TSC22D1: variants seen among roughly 807,000 people sequenced by gnomAD.
TSC22D1 encodes the protein TSC22 domain family protein 1.
A neutral mutation model predicts 74.2 loss-of-function variants in TSC22D1; 9 were observed. That is an observed-to-expected ratio of 0.12 (90% CI 0.07 to 0.21). The LOEUF (loss-of-function observed/expected upper bound fraction) is 0.21. TSC22D1 is among the 10% of genes least tolerant of loss of function. TSC22D1 has a pLI of 1.00. For synonymous variants in TSC22D1, 586 were observed against 492.5 expected (o/e 1.19, Z -2.51); for missense variants, 1,427 against 1,304.7 (o/e 1.09, Z -1.44).
chr13:44,530,740 T>A (rs1880790243), intron 1 of TSC22D1, among the ~76,000 whole-genome samples: 1 of 151,634 alleles, frequency 6.6e-6, no homozygotes, highest in African/African-American at 2.4e-5. Flanking sequence ...GTGGAAAGTG[T>A]ATGAGAAGAT....
At chr13:44,464,287 T>C (rs1877148834) in intron 1 of TSC22D1, among the ~76,000 whole-genome samples, 1 of 152,236 alleles carries the variant, frequency 6.6e-6, no homozygotes, top group Middle Eastern at 3.2e-3. Flanking sequence ...TTCTTTAAGG[T>C]TATGTCACTT....
Position 44,433,816 on chromosome 13 carries a change from C to A in TSC22D1, c.*810G>T. ...TAACTGTGCCAAATTCTTAAAATTTCTTTAGGTGTGGTTTTTGTCATGTAG... is the reference window on the plus strand; with the variant it reads ...TAACTGTGCCAAATTCTTAAAATTTATTTAGGTGTGGTTTTTGTCATGTAG... On this transcript the variant is annotated 3_prime_UTR_variant, in exon 3 of 3. Transcript: ENST00000458659. 3.3e-6 allele frequency: 2 copies of A among 599,238 alleles called. No individual in the cohort carries two copies. The highest frequency in any genetic ancestry group is 5.4e-6 in the Non-Finnish European group (2 of 372,108). The allele number at this position is 599,238 out of a possible 1,614,324, so 37.1% of individuals were successfully genotyped here.
intron 1 of TSC22D1, 84 bp downstream of exon 1, chr13:44,573,077 TAG>T (rs749350285): frequency 1.3e-5 from 20 of 1,492,064 alleles, no homozygotes; most frequent in Non-Finnish European, 1.7e-5. Context: ...TACAATGTTT[TAG>T]AGTCATTTTG....
Position 44,476,323 on chromosome 13 carries a change from T to C in TSC22D1, c.2913-40228A>G, listed in dbSNP as rs529692681. ...ATTTAAATATAAAAATACATTATGTTTATTATAAAACAGAATCATTAATAC... is the reference window on the plus strand; with the variant it reads ...ATTTAAATATAAAAATACATTATGTCTATTATAAAACAGAATCATTAATAC... On this transcript the variant is annotated intron_variant, in intron 1 of 2. Transcript: ENST00000458659. Among the ~76,000 whole-genome samples the C allele has an allele frequency of 3.9e-5, 6 of 152,218 alleles. No individual in the cohort carries two copies. The East Asian group carries it at 1.2e-3, about 29-fold the overall frequency.
rs757127052 is a variant in TSC22D1, at chr13:44,573,190, G to A, written c.2885C>T (p.Thr962Ile). The A allele has an allele frequency of 2.5e-6, 4 of 1,614,028 alleles. No individual in the cohort carries two copies. The highest frequency in any genetic ancestry group is 2.7e-5 in the African/African-American group (2 of 74,924). ...LFPLKVLPLT[T>I]PLVDGEDESS... ...CTCATCCTCGCCATCCACCAGGGGT[G>A]TCGTCAGCGGTAGCACCTTCAACGG... Residue 962 changes from threonine (T) to isoleucine (I), a missense_variant, in exon 1 of 3, where the codon ACA (threonine) becomes ATA (isoleucine). Transcript: ENST00000458659.
intron 1 of TSC22D1, among the ~76,000 whole-genome samples, chr13:44,535,529 AAAT>A (rs1220299620): frequency 2.0e-5 from 3 of 152,060 alleles, no homozygotes; most frequent in Admixed American, 6.5e-5. Flanking sequence ...ATGGCAAAGA[AAAT>A]AAGATCTGTG....
intron 1 of TSC22D1, among the ~76,000 whole-genome samples, chr13:44,542,272 C>T (rs1167612949): frequency 2.6e-5 from 4 of 151,930 alleles, no homozygotes; most frequent in Non-Finnish European, 2.9e-5. Flanking sequence ...ATAGGAAATA[C>T]ACCTCGTAAT....
At chr13:44,462,364 A>G (rs1238681142) in intron 1 of TSC22D1, among the ~76,000 whole-genome samples, 2 of 152,240 alleles carry the variant, frequency 1.3e-5, no homozygotes, top group Non-Finnish European at 2.9e-5. Flanking sequence ...TAAACTCTAC[A>G]TCACAATGGC....
In TSC22D1 at chr13:44,574,286, T is replaced by C. The variant is rs759040921; in HGVS notation, c.1789A>G (p.Ile597Val). 3 of 1,614,066 alleles carry C rather than the reference T, an allele frequency of 1.9e-6. No individual in the cohort carries two copies. Among genetic ancestry groups the C allele is most frequent in the African/African-American group, 1.3e-5 (1 of 74,922 alleles). The change falls in exon 1 of 3, where the codon ATT (isoleucine) becomes GTT (valine). Residue 597 changes from isoleucine (I) to valine (V), a missense_variant. Physicochemically the swap from Ile to Val is conservative, Grantham distance 29. Coordinates refer to ENST00000458659, the MANE Select transcript of TSC22D1 (RefSeq NM_183422.4). Reference protein sequence around the residue: ...VTSALGQQPSISSLAQPQLPY... With the variant: ...VTSALGQQPSVSSLAQPQLPY... Reference sequence around the variant, plus strand: ...AGCTGGGGTTGAGCCAAACTGGAAATGGAAGGCTGCTGACCTAAAGCTGAA... The same window carrying C: ...AGCTGGGGTTGAGCCAAACTGGAAACGGAAGGCTGCTGACCTAAAGCTGAA...
chr13:44,484,071 A>G (rs1051311243), intron 1 of TSC22D1, among the ~76,000 whole-genome samples: 1 of 152,210 alleles, frequency 6.6e-6, no homozygotes, highest in Non-Finnish European at 1.5e-5. Context: ...TTTTAAAAGC[A>G]TTACTTAAAC....
At chr13:44,513,594 C>T (rs1323655353) in intron 1 of TSC22D1, among the ~76,000 whole-genome samples, 1 of 152,124 alleles carries the variant, frequency 6.6e-6, no homozygotes, top group Non-Finnish European at 1.5e-5. Flanking sequence ...ATAGAAAACA[C>T]TCCAGAAATA....
intron 1 of TSC22D1, among the ~76,000 whole-genome samples, chr13:44,547,048 C>T (rs1881873826): frequency 6.6e-6 from 1 of 152,008 alleles, no homozygotes; most frequent in Non-Finnish European, 1.5e-5. Flanking sequence ...AGGCATGAGC[C>T]ACCACACCAA....
At chr13:44,533,822 A>G (rs1165599597) in intron 1 of TSC22D1, among the ~76,000 whole-genome samples, 2 of 152,206 alleles carry the variant, frequency 1.3e-5, no homozygotes, top group East Asian at 3.9e-4. Context: ...AGTATCCTGA[A>G]TGTACATGGA....
At chr13:44,443,703 T>C (rs971306017) in intron 1 of TSC22D1, among the ~76,000 whole-genome samples, 8 of 152,170 alleles carry the variant, frequency 5.3e-5, no homozygotes, top group Non-Finnish European at 8.8e-5. Context: ...TCATTGACTG[T>C]TTAAAGCAAA....
rs556137435 is a variant in TSC22D1, at chr13:44,451,749, T to C, written c.2913-15654A>G. ...ATGAAGCCACACGCTGAGGATCAAC[T>C]GTGAGATGAGGCCATATCATGTCAG... On this transcript the variant is annotated intron_variant, in intron 1 of 2. Transcript: ENST00000458659. Among the ~76,000 whole-genome samples, 52 of 152,344 alleles carry C rather than the reference T, an allele frequency of 3.4e-4. 2 individuals carry two copies. In the South Asian group the frequency reaches 0.011, roughly 32 times the overall value.
At chr13:44,557,334 A>G (rs1031630678) in intron 1 of TSC22D1, among the ~76,000 whole-genome samples, 1 of 138,890 alleles carries the variant, frequency 7.2e-6, no homozygotes. Context: ...GGTGGTGCAC[A>G]CCTGTAATCC....
chr13:44,555,291 A>AAAC (rs1044884638), intron 1 of TSC22D1, among the ~76,000 whole-genome samples: 6 of 151,978 alleles, frequency 3.9e-5, no homozygotes, highest in Non-Finnish European at 2.9e-5. Flanking sequence ...AAACGTAAGC[A>AAAC]AACAACAACA....
chr13:44,551,413 T>C, intron 1 of TSC22D1, among the ~76,000 whole-genome samples: 1 of 151,376 alleles, frequency 6.6e-6, no homozygotes, highest in African/African-American at 2.4e-5. Context: ...TGTGTGTGTG[T>C]GTGTGTGTGT....
At chr13:44,496,991 CTA>C (rs150317466) in intron 1 of TSC22D1, among the ~76,000 whole-genome samples, 7 of 150,240 alleles carry the variant, frequency 4.7e-5, no homozygotes, top group Admixed American at 1.3e-4. Context: ...AGCTGCTGTG[CTA>C]TATATATATA....
Sources: allele counts gnomAD v4.1 joint callset (sites outside exome capture counted in the v4.1 genomes callset), GRCh38; gene constraint gnomAD v4.1.1; transcripts MANE v1.5; gene names NCBI Gene and HGNC (gene_info 2026-07-23, HGNC 2026-07-21).